The following STK32B variants were observed in gnomAD, a reference collection of about 807,000 sequenced individuals.
STK32B encodes serine/threonine-protein kinase 32B.
Under a neutral mutation model 52.6 loss-of-function variants are expected in STK32B, and 43 were observed. That is an observed-to-expected ratio of 0.82 (90% confidence interval 0.64 to 1.05). STK32B has a LOEUF of 1.05. Among genes scored for constraint, STK32B ranks in the 50% least tolerant of loss-of-function variants. The pLI, the probability that STK32B is intolerant of heterozygous loss-of-function variation, is 0.00. For synonymous variants in STK32B, 238 were observed against 204.3 expected, an observed-to-expected ratio of 1.17 and a Z score of -1.41; for missense variants, 621 against 534.6, an observed-to-expected ratio of 1.16 and a Z score of -1.59.
chr4:5,317,216 T>TATATTATATAAC (rs1560313290), intron 3 of STK32B, among the ~76,000 whole-genome samples: 10 of 55,640 alleles, frequency 1.8e-4, no homozygotes, highest in Admixed American at 3.1e-4. Flanking sequence ...ATATATAACA[T>TATATTATATAAC]ATATATATTA....
intron 3 of STK32B, among the ~76,000 whole-genome samples, chr4:5,292,054 C>G (rs1728926169): frequency 6.6e-6 from 1 of 152,092 alleles, no homozygotes; most frequent in Admixed American, 6.5e-5. Context: ...CGATAGGCAG[C>G]AAGGTTGATG....
chr4:5,377,702 G>A (rs1314940826), intron 4 of STK32B, among the ~76,000 whole-genome samples: 2 of 152,158 alleles, frequency 1.3e-5, no homozygotes, highest in Non-Finnish European at 2.9e-5. Context: ...GATAGTGAGT[G>A]AGGTCTCATG....
intron 9 of STK32B, among the ~76,000 whole-genome samples, chr4:5,461,435 C>T (rs190610679): frequency 1.3e-5 from 2 of 152,276 alleles, no homozygotes; most frequent in African/African-American, 4.8e-5. Context: ...AAAATAATGT[C>T]TCCCCACATC....
chr4:5,494,879 T>C lies in STK32B; in HGVS notation c.1107-4066T>C, dbSNP rs184880979. On this transcript the variant is annotated intron_variant, in intron 11 of 11. Transcript: ENST00000282908. Reference sequence around the variant, plus strand: ...TGAAATTCTGGGTTGAAAATTCTTTTCTTTAAGAATGTTGGATATTGGCCC... The same window carrying C: ...TGAAATTCTGGGTTGAAAATTCTTTCCTTTAAGAATGTTGGATATTGGCCC... Among the ~76,000 whole-genome samples, 1,162 of 152,282 alleles carry C rather than the reference T, an allele frequency of 7.6e-3. 16 individuals carry two copies. The highest frequency in any genetic ancestry group is 0.027 in the African/African-American group (1,103 of 41,550).
intron 1 of STK32B, among the ~76,000 whole-genome samples, chr4:5,060,697 T>C (rs1241028984): frequency 6.6e-6 from 1 of 152,206 alleles, no homozygotes; most frequent in Non-Finnish European, 1.5e-5. Context: ...TATTGCATGC[T>C]TTGTAGTGAC....
chr4:5,236,255 GCACT>G (rs1230238947), intron 3 of STK32B, among the ~76,000 whole-genome samples: 2 of 152,020 alleles, frequency 1.3e-5, no homozygotes, highest in Non-Finnish European at 2.9e-5. Context: ...CTTCCACCTG[GCACT>G]CACTCAGATA....
chr4:5,332,729 G>A (rs560001849), intron 4 of STK32B, among the ~76,000 whole-genome samples: 1 of 152,210 alleles, frequency 6.6e-6, no homozygotes, highest in South Asian at 2.1e-4. Flanking sequence ...TCCCATCTAT[G>A]AGTGAGAACA....
upstream of STK32B, among the ~76,000 whole-genome samples, chr4:5,050,053 G>C (rs1485790471): frequency 1.3e-5 from 2 of 152,202 alleles, no homozygotes; most frequent in Non-Finnish European, 2.9e-5. Flanking sequence ...GGTAGAATGA[G>C]CCCAGAGCCC....
chr4:5,449,757 T>C (rs2369710), intron 7 of STK32B, among the ~76,000 whole-genome samples: 24,445 of 151,972 alleles, frequency 0.16, 2,543 homozygotes, highest in East Asian at 0.53. Flanking sequence ...CTCATGGGAG[T>C]GCAAACCCTC....
intron 1 of STK32B, among the ~76,000 whole-genome samples, chr4:5,132,078 A>G (rs1715809615): frequency 6.6e-6 from 1 of 152,164 alleles, no homozygotes; most frequent in Non-Finnish European, 1.5e-5. Context: ...CTCCAGCTCC[A>G]TCCATCTTGC....
At chr4:5,349,235 C>T (rs115913087) in intron 4 of STK32B, among the ~76,000 whole-genome samples, 260 of 152,252 alleles carry the variant, frequency 1.7e-3, no homozygotes, top group Admixed American at 2.7e-3. Context: ...GGCCCAAGGA[C>T]AGGCACATGC....
In STK32B at chr4:5,314,154, A is replaced by G. The variant is rs565002952; in HGVS notation, c.261-17066A>G. On this transcript the variant is annotated intron_variant, in intron 3 of 11. Transcript: ENST00000282908. ...AATAAAGCAGGAGTCAGCCTACTCA[A>G]TGTTAAGTTTTATTATGTAACTGTA... 1.6e-4 allele frequency among the ~76,000 whole-genome samples: 25 copies of G among 152,252 alleles called. No individual in the cohort carries two copies. In the East Asian group the frequency reaches 4.4e-3, roughly 27 times the overall value.
chr4:5,411,238 T>C (rs1346007266), intron 5 of STK32B, among the ~76,000 whole-genome samples: 1 of 152,160 alleles, frequency 6.6e-6, no homozygotes, highest in Non-Finnish European at 1.5e-5. Context: ...GGTTTCACTG[T>C]GTTAGCCAGG....
At chr4:5,083,963 C>T (rs1191354897) in intron 1 of STK32B, among the ~76,000 whole-genome samples, 3 of 152,156 alleles carry the variant, frequency 2.0e-5, no homozygotes, top group East Asian at 3.9e-4. Flanking sequence ...TCTTGAACTC[C>T]TGACCTCAGG....
At chr4:5,377,565 G>A (rs555881262) in intron 4 of STK32B, among the ~76,000 whole-genome samples, 2 of 152,188 alleles carry the variant, frequency 1.3e-5, no homozygotes, top group Non-Finnish European at 2.9e-5. Context: ...CAGTGATATG[G>A]TTCGCCTCTA....
chr4:5,243,027 G>C (rs1012717283), intron 3 of STK32B, among the ~76,000 whole-genome samples: 4 of 152,160 alleles, frequency 2.6e-5, no homozygotes, highest in Admixed American at 6.5e-5. Context: ...CTCCAGCTTT[G>C]TTCTTTTGGC....
chr4:5,468,156 C>A, intron 11 of STK32B, 86 bp downstream of exon 11: 7 of 1,414,156 alleles, frequency 4.9e-6, no homozygotes, highest in East Asian at 4.6e-5. Flanking sequence ...CCCTGCCCCC[C>A]AAACCGGCCT....
In STK32B at chr4:5,466,827, G is replaced by A. The variant is rs750888252; in HGVS notation, c.1034G>A (p.Cys345Tyr). Residue 345 changes from cysteine (C) to tyrosine (Y), a missense_variant, in exon 10 of 12, where the codon TGC becomes TAC. Coordinates refer to ENST00000282908, the MANE Select transcript of STK32B (RefSeq NM_018401.3). Reference protein sequence around the residue: ...NRSRDGTKDSCPLNGHLQHCL... With the variant: ...NRSRDGTKDSYPLNGHLQHCL... Reference sequence around the variant, plus strand: ...TCCAGGGATGGCACAAAGGACAGCTGCCCGCTGGTGAGTGCTTCGTGGGAG... The same window carrying A: ...TCCAGGGATGGCACAAAGGACAGCTACCCGCTGGTGAGTGCTTCGTGGGAG... The A allele has an allele frequency of 1.2e-6, 2 of 1,613,126 alleles. No homozygotes were observed. The highest frequency in any genetic ancestry group is 1.7e-6 in the Non-Finnish European group (2 of 1,179,548).
At chr4:5,263,808 A>G (rs1197573461) in intron 3 of STK32B, among the ~76,000 whole-genome samples, 1 of 152,174 alleles carries the variant, frequency 6.6e-6, no homozygotes, top group Non-Finnish European at 1.5e-5. Context: ...AATTTCTCTG[A>G]TGTAGCCTCC....
Sources: allele counts gnomAD v4.1 joint callset (sites outside exome capture counted in the v4.1 genomes callset), GRCh38; gene constraint gnomAD v4.1.1; transcripts MANE v1.5; gene names NCBI Gene and HGNC (gene_info 2026-07-23, HGNC 2026-07-21).